Variants in SLC35D4 observed in about 807,000 individuals in gnomAD.
SLC35D4 encodes the protein UDP-N-acetylglucosamine transporter SLC35D4.
the SLC35D4 span, among the ~76,000 whole-genome samples, chr18:23,386,866 G>A: frequency 6.6e-6 from 1 of 152,176 alleles, no homozygotes; most frequent in Non-Finnish European, 1.5e-5. Context: ...GCCTTGACAA[G>A]GTGAGGGGGG....
the SLC35D4 span, among the ~76,000 whole-genome samples, chr18:23,243,872 C>T: frequency 9.1e-6 from 1 of 109,902 alleles, no homozygotes; most frequent in Non-Finnish European, 2.1e-5. Flanking sequence ...GACTCCGTTT[C>T]AAAAAAAAAA....
At chr18:23,414,443 C>T in the SLC35D4 span, among the ~76,000 whole-genome samples, 3 of 148,310 alleles carry the variant, frequency 2.0e-5, no homozygotes, top group East Asian at 2.1e-4. Context: ...GAGGCCTAGG[C>T]GGGTGGATCA....
chr18:23,250,445 G>A, the SLC35D4 span, among the ~76,000 whole-genome samples: 1 of 152,172 alleles, frequency 6.6e-6, no homozygotes, highest in Admixed American at 6.5e-5. Context: ...GTTAGATGTG[G>A]CCCCCATTCT....
the SLC35D4 span, among the ~76,000 whole-genome samples, chr18:23,349,132 G>C: frequency 6.6e-6 from 1 of 152,124 alleles, no homozygotes; most frequent in African/African-American, 2.4e-5. Context: ...TGATTATAAT[G>C]TGTCTAGATC....
the SLC35D4 span, among the ~76,000 whole-genome samples, chr18:23,311,383 G>A: frequency 2.8e-5 from 4 of 144,964 alleles, no homozygotes; most frequent in Non-Finnish European, 4.5e-5. Context: ...GTGAGCCACC[G>A]TGCCTGGCCC....
At chr18:23,253,098 C>G in the SLC35D4 span, 1 of 1,167,046 alleles carries the variant, frequency 8.6e-7, no homozygotes, top group South Asian at 1.2e-5. Flanking sequence ...TGTGACCTTT[C>G]CCTGCAAACC....
chr18:23,286,785 G>A, the SLC35D4 span, among the ~76,000 whole-genome samples: 13 of 151,934 alleles, frequency 8.6e-5, no homozygotes, highest in East Asian at 5.8e-4. Flanking sequence ...ACTCCTTTTA[G>A]TTATCCCCAC....
chr18:23,359,435 G>A, the SLC35D4 span, among the ~76,000 whole-genome samples: 2 of 151,968 alleles, frequency 1.3e-5, no homozygotes, highest in African/African-American at 4.8e-5. Context: ...GCAACACGCG[G>A]CTTATGCAAT....
the SLC35D4 span, among the ~76,000 whole-genome samples, chr18:23,244,174 G>A: frequency 6.6e-6 from 1 of 152,186 alleles, no homozygotes; most frequent in Non-Finnish European, 1.5e-5. Flanking sequence ...TGATCTCAGG[G>A]CCAGTCACCT....
the SLC35D4 span, among the ~76,000 whole-genome samples, chr18:23,392,296 T>C: frequency 0.022 from 3,316 of 152,284 alleles, 110 homozygotes; most frequent in African/African-American, 0.075. Flanking sequence ...TTTTTAACTG[T>C]AATTATTTTT....
the SLC35D4 span, among the ~76,000 whole-genome samples, chr18:23,308,876 C>CTCTCTCTGTGTGTG: frequency 7.1e-6 from 1 of 139,986 alleles, no homozygotes; most frequent in South Asian, 2.4e-4. Context: ...CTCTCTCTCT[C>CTCTCTCTGTGTGTG]TGTGTGTGTG....
At chr18:23,414,331 A>AAGGAAGGAAGGCAGGCAGGCAGGC in the SLC35D4 span, among the ~76,000 whole-genome samples, 20 of 140,552 alleles carry the variant, frequency 1.4e-4, no homozygotes, top group African/African-American at 5.4e-4. Flanking sequence ...GGAAGGAAGG[A>AAGGAAGGAAGGCAGGCAGGCAGGC]AGGCAGGCAG....
At chr18:23,254,839 C>A in the SLC35D4 span, among the ~76,000 whole-genome samples, 1 of 152,324 alleles carries the variant, frequency 6.6e-6, no homozygotes, top group Admixed American at 6.5e-5. Context: ...CTAATACCAT[C>A]ACATGAAGGA....
chr18:23,345,989 A>C, the SLC35D4 span, among the ~76,000 whole-genome samples: 1 of 151,982 alleles, frequency 6.6e-6, no homozygotes, highest in Non-Finnish European at 1.5e-5. Context: ...TAAAACTTTG[A>C]GCTGGGTGCA....
At chr18:23,425,300 G>T in the SLC35D4 span, among the ~76,000 whole-genome samples, 1 of 151,982 alleles carries the variant, frequency 6.6e-6, no homozygotes, top group East Asian at 1.9e-4. Flanking sequence ...AGGGTTTCAT[G>T]ATGTTGGCCA....
the SLC35D4 span, among the ~76,000 whole-genome samples, chr18:23,340,583 A>C: frequency 6.6e-6 from 1 of 152,194 alleles, no homozygotes; most frequent in Non-Finnish European, 1.5e-5. Context: ...GGAAAATATA[A>C]ATGAAACCAA....
the SLC35D4 span, among the ~76,000 whole-genome samples, chr18:23,384,091 A>C: frequency 6.6e-6 from 1 of 151,788 alleles, no homozygotes; most frequent in East Asian, 1.9e-4. Context: ...GAGCTCGAGA[A>C]TAGCCTGGAC....
At chr18:23,401,974 GAGCCTCTGGCTCCA>G in the SLC35D4 span, among the ~76,000 whole-genome samples, 1 of 152,240 alleles carries the variant, frequency 6.6e-6, no homozygotes, top group Non-Finnish European at 1.5e-5. Flanking sequence ...ACAGCGGAGT[GAGCCTCTGGCTCCA>G]GACGTGGGAC....
the SLC35D4 span, among the ~76,000 whole-genome samples, chr18:23,362,103 A>G: frequency 1.3e-5 from 2 of 152,234 alleles, no homozygotes; most frequent in African/African-American, 4.8e-5. Flanking sequence ...TAAGTGTCCA[A>G]GGTATTTTTG....
Sources: allele counts gnomAD v4.1 joint callset (sites outside exome capture counted in the v4.1 genomes callset), GRCh38; gene constraint gnomAD v4.1.1; transcripts MANE v1.5; gene names NCBI Gene and HGNC (gene_info 2026-07-23, HGNC 2026-07-21).